CDK17: variants seen among roughly 807,000 people sequenced by gnomAD.
CDK17 encodes cyclin dependent kinase 17.
Under a neutral mutation model 77.6 loss-of-function variants are expected in CDK17, and 24 were observed. The observed-to-expected ratio is 0.31, with a 90% CI of 0.22 to 0.44. CDK17 has a LOEUF of 0.44. Among genes scored for constraint, CDK17 ranks in the 20% least tolerant of loss-of-function variants. The pLI is 1.00. For synonymous variants in CDK17, 203 were observed against 210.4 expected, an observed-to-expected ratio of 0.96 and a Z score of 0.30; for missense variants, 429 against 622.5, an observed-to-expected ratio of 0.69 and a Z score of 3.31.
chr12:96,394,840 TATTA>T (rs1469540538), intron 1 of CDK17, among the ~76,000 whole-genome samples: 1 of 149,648 alleles, frequency 6.7e-6, no homozygotes, highest in Middle Eastern at 3.2e-3. Context: ...AAAAAATATT[TATTA>T]TTTTATTTTT....
At chr12:96,388,572 T>A (rs987026479) in intron 1 of CDK17, among the ~76,000 whole-genome samples, 3 of 152,168 alleles carry the variant, frequency 2.0e-5, no homozygotes, top group Non-Finnish European at 4.4e-5. Context: ...AATCACTGAT[T>A]TAGACATTCC....
chr12:96,361,319 A>C (rs7974022), intron 1 of CDK17, among the ~76,000 whole-genome samples: 66,843 of 152,004 alleles, frequency 0.44, 15,848 homozygotes, highest in African/African-American at 0.61. Context: ...CAGGAAGAAG[A>C]AGCAAACAAA....
chr12:96,346,344 CG>C (rs1471364796), intron 1 of CDK17, among the ~76,000 whole-genome samples: 1 of 148,250 alleles, frequency 6.7e-6, no homozygotes, highest in Non-Finnish European at 1.5e-5. Context: ...CCCAGCTACT[CG>C]GGAGGCCGAG....
In CDK17 at chr12:96,398,501, G is replaced by A. The variant is rs191333745; in HGVS notation, c.-30+1485C>T. Among the ~76,000 whole-genome samples, 579 of 152,258 alleles carry A rather than the reference G, an allele frequency of 3.8e-3. 3 individuals carry two copies. The highest frequency in any genetic ancestry group is 6.5e-3 in the Admixed American group (100 of 15,298). On this transcript the variant is annotated intron_variant, in intron 1 of 16. Coordinates refer to ENST00000261211, the MANE Select transcript of CDK17 (RefSeq NM_002595.5). ...TCAAGGCAAGCTTTGTCTACCCAAG[G>A]TATCAAAGGTCTTCAAATCTCATTC...
intron 15 of CDK17, chr12:96,281,730 G>A (rs1478371085): frequency 1.3e-5 from 2 of 152,216 alleles, no homozygotes; most frequent in African/African-American, 2.4e-5. Context: ...CTCTGTCAGA[G>A]AGGTATTCTT....
intron 9 of CDK17, among the ~76,000 whole-genome samples, chr12:96,295,956 G>A (rs1952399496): frequency 6.6e-6 from 1 of 152,184 alleles, no homozygotes; most frequent in Admixed American, 6.5e-5. Flanking sequence ...ATCTGTAGGT[G>A]AAAAACAGGG....
At chr12:96,364,006 T>A (rs1055972043) in intron 1 of CDK17, among the ~76,000 whole-genome samples, 7 of 152,224 alleles carry the variant, frequency 4.6e-5, no homozygotes, top group African/African-American at 1.7e-4. Flanking sequence ...ATAAACTGGA[T>A]CACATAAGGA....
chr12:96,311,247 AACATATTATTTCTTAGTGAT>A, intron 4 of CDK17, 70 bp from the exon 5 acceptor site: 1 of 1,265,654 alleles, frequency 7.9e-7, no homozygotes, highest in Admixed American at 2.8e-5. Context: ...CACAGGCTCT[AACATATTATTTCTTAGTGAT>A]AAGTAATTGT....
At chr12:96,353,169 T>C (rs1369797505) in intron 1 of CDK17, among the ~76,000 whole-genome samples, 1 of 152,212 alleles carries the variant, frequency 6.6e-6, no homozygotes, top group East Asian at 1.9e-4. Context: ...CCAAAAAACA[T>C]ATATAAATAC....
At chr12:96,292,259 T>C (rs779476214) in intron 10 of CDK17, among the ~76,000 whole-genome samples, 1 of 152,064 alleles carries the variant, frequency 6.6e-6, no homozygotes, top group African/African-American at 2.4e-5. Context: ...TGAAGAGTAA[T>C]ACTTGAAACA....
intron 2 of CDK17, among the ~76,000 whole-genome samples, chr12:96,325,016 C>T (rs1952874741): frequency 6.6e-6 from 1 of 152,090 alleles, no homozygotes; most frequent in South Asian, 2.1e-4. Context: ...AAATATAATA[C>T]TTAAAAGCTA....
intron 3 of CDK17, among the ~76,000 whole-genome samples, chr12:96,315,918 C>T (rs1952708135): frequency 6.6e-6 from 1 of 151,980 alleles, no homozygotes; most frequent in Non-Finnish European, 1.5e-5. Flanking sequence ...TTGAGACTTA[C>T]AGGGTACATT....
At chr12:96,287,233 G>A (rs1471946699) in intron 11 of CDK17, among the ~76,000 whole-genome samples, 1 of 152,120 alleles carries the variant, frequency 6.6e-6, no homozygotes, top group African/African-American at 2.4e-5. Context: ...GATTCAAGAC[G>A]TTTTGATGCA....
chr12:96,341,349 CAT>C (rs1171066364), intron 1 of CDK17, among the ~76,000 whole-genome samples: 2 of 132,976 alleles, frequency 1.5e-5, no homozygotes, highest in Non-Finnish European at 3.4e-5. Context: ...ACACACGTCT[CAT>C]ATATGTACGT....
intron 1 of CDK17, among the ~76,000 whole-genome samples, chr12:96,377,253 TA>T (rs1330258224): frequency 2.0e-5 from 3 of 152,194 alleles, no homozygotes; most frequent in Non-Finnish European, 4.4e-5. Context: ...AAGACTTTTC[TA>T]AATATATTTC....
chr12:96,377,997 A>T (rs1164176658), intron 1 of CDK17, among the ~76,000 whole-genome samples: 1 of 152,160 alleles, frequency 6.6e-6, no homozygotes, highest in Non-Finnish European at 1.5e-5. Flanking sequence ...CCGGCCCAGA[A>T]GCAGTTTTTT....
Position 96,397,003 on chromosome 12 carries a change from C to T in CDK17, c.-30+2983G>A, listed in dbSNP as rs79847888. 4.2e-4 allele frequency among the ~76,000 whole-genome samples: 64 copies of T among 152,232 alleles called. No individual in the cohort carries two copies. The East Asian group carries it at 5.6e-3, about 13-fold the overall frequency. ...ATAATATTAAGGGACATCGTCATCT[C>T]CACTTTTGAATAGCTACCCCAGTTG... On this transcript the variant is annotated intron_variant, in intron 1 of 16. Coordinates refer to ENST00000261211, the MANE Select transcript of CDK17 (RefSeq NM_002595.5).
At chr12:96,365,643 T>C (rs1207500635) in intron 1 of CDK17, among the ~76,000 whole-genome samples, 1 of 152,272 alleles carries the variant, frequency 6.6e-6, no homozygotes, top group African/African-American at 2.4e-5. Context: ...TATCAAATTA[T>C]ATGAAAGTTA....
chr12:96,377,257 T>C (rs934910479), intron 1 of CDK17, among the ~76,000 whole-genome samples: 1 of 152,170 alleles, frequency 6.6e-6, no homozygotes, highest in Non-Finnish European at 1.5e-5. Flanking sequence ...CTTTTCTAAA[T>C]ATATTTCAAA....
Sources: gnomAD v4.1 joint callset for allele counts (sites outside exome capture counted in the v4.1 genomes callset) on GRCh38, gnomAD v4.1.1 for gene constraint, MANE v1.5 for transcripts, NCBI Gene and HGNC (gene_info 2026-07-23, HGNC 2026-07-21) for gene names.